The following DPYD variants were observed in gnomAD, a reference collection of about 807,000 sequenced individuals.
DPYD encodes the protein dihydropyrimidine dehydrogenase.
DPYD carries 109 observed loss-of-function variants against 116.2 expected under a neutral mutation model. That is an observed-to-expected ratio of 0.94 (90% CI 0.80 to 1.10). The LOEUF is 1.10. Ranked by LOEUF, DPYD falls within the 50% of genes least tolerant of loss-of-function variation. The pLI, the probability that DPYD is intolerant of heterozygous loss-of-function variation, is 0.00. For synonymous variants in DPYD, 440 were observed against 432.0 expected (o/e 1.02, Z -0.23); for missense variants, 1,302 against 1,254.5 (o/e 1.04, Z -0.57).
chr1:97,268,853 AATCTCTTT>A (rs1230404641), intron 18 of DPYD, among the ~76,000 whole-genome samples: 2 of 152,220 alleles, frequency 1.3e-5, no homozygotes, highest in African/African-American at 4.8e-5. Context: ...TATCCATATT[AATCTCTTT>A]AGCAAACAGT....
chr1:97,177,553 C>A (rs1287536890), intron 20 of DPYD, among the ~76,000 whole-genome samples: 1 of 150,264 alleles, frequency 6.7e-6, no homozygotes, highest in Non-Finnish European at 1.5e-5. Context: ...GAAATTCAGA[C>A]CATTCTTTCT....
intron 16 of DPYD, among the ~76,000 whole-genome samples, chr1:97,338,769 C>T (rs1051084793): frequency 6.6e-6 from 1 of 152,118 alleles, no homozygotes; most frequent in Non-Finnish European, 1.5e-5. Flanking sequence ...CACCCACAAA[C>T]CTCCAGTTTA....
chr1:97,093,781 T>G (rs1322498605), intron 21 of DPYD, among the ~76,000 whole-genome samples: 1 of 152,166 alleles, frequency 6.6e-6, no homozygotes, highest in Non-Finnish European at 1.5e-5. Context: ...GACATTTTTA[T>G]GGTCACTTTC....
At chr1:97,714,242 T>C (rs1662471300) in intron 5 of DPYD, among the ~76,000 whole-genome samples, 1 of 151,830 alleles carries the variant, frequency 6.6e-6, no homozygotes, top group Non-Finnish European at 1.5e-5. Context: ...TGAGATGGAG[T>C]CTCGCTCTGT....
intron 13 of DPYD, among the ~76,000 whole-genome samples, chr1:97,461,189 C>T (rs1677012078): frequency 1.3e-5 from 2 of 152,170 alleles, no homozygotes; most frequent in African/African-American, 4.8e-5. Flanking sequence ...TGCCACCTCC[C>T]CTCAGAAGCC....
chr1:97,188,216 T>C (rs1471472927), intron 20 of DPYD, among the ~76,000 whole-genome samples: 1 of 152,190 alleles, frequency 6.6e-6, no homozygotes, highest in Non-Finnish European at 1.5e-5. Context: ...TTTATCCTAA[T>C]GAGAGCCTTT....
chr1:97,643,375 T>C (rs1484065003), intron 8 of DPYD, among the ~76,000 whole-genome samples: 1 of 151,944 alleles, frequency 6.6e-6, no homozygotes, highest in Non-Finnish European at 1.5e-5. Context: ...TAAATCAAAA[T>C]CACAATGAGA....
chr1:97,598,958 C>A (rs1655068064), intron 8 of DPYD, among the ~76,000 whole-genome samples: 1 of 152,178 alleles, frequency 6.6e-6, no homozygotes, highest in Admixed American at 6.5e-5. Context: ...AAGGTTATAA[C>A]TAGGCCAGGT....
chr1:97,310,158 T>A (rs1667416809), intron 16 of DPYD, among the ~76,000 whole-genome samples: 1 of 151,818 alleles, frequency 6.6e-6, no homozygotes, highest in South Asian at 2.1e-4. Context: ...GGCATTTCAA[T>A]AAATCCACTG....
intron 16 of DPYD, among the ~76,000 whole-genome samples, chr1:97,307,804 C>G (rs1667260471): frequency 6.6e-6 from 1 of 151,874 alleles, no homozygotes; most frequent in Non-Finnish European, 1.5e-5. Flanking sequence ...TATTTATAAC[C>G]ACTGCATTGG....
intron 2 of DPYD, among the ~76,000 whole-genome samples, chr1:97,874,371 A>C (rs1017006114): frequency 4.6e-5 from 7 of 151,976 alleles, no homozygotes; most frequent in African/African-American, 1.7e-4. Context: ...AGGAAGGAGA[A>C]CTACAAATAT....
At position 97,234,976 on chromosome 1, in the gene DPYD, A is replaced by C; in HGVS notation, c.2318T>G (p.Ile773Ser). ...GGVSGTAIRP[I>S]ALRAVTSIAR... ...AATGGAGGTCACAGCTCTCAAAGCA[A>C]TAGGTCTGATTGCTGTCCCTACACA... is the stretch of plus-strand genomic sequence containing the variant. Residue 773 changes from isoleucine (I) to serine (S), a missense_variant, in exon 19 of 23, where the codon ATT becomes AGT. Physicochemically the swap from Ile to Ser is moderately radical, Grantham distance 142. Transcript: ENST00000370192. 1 of 1,614,154 alleles carries C rather than the reference A, an allele frequency of 6.2e-7. No individual in the cohort carries two copies. The highest frequency in any genetic ancestry group is 8.5e-7 in the Non-Finnish European group (1 of 1,180,006).
chr1:97,474,945 G>T (rs1677870410), intron 13 of DPYD, among the ~76,000 whole-genome samples: 1 of 151,890 alleles, frequency 6.6e-6, no homozygotes, highest in Non-Finnish European at 1.5e-5. Flanking sequence ...TATGAAAGTT[G>T]CTAGAAAAGT....
intron 18 of DPYD, among the ~76,000 whole-genome samples, chr1:97,254,454 C>T (rs1463079247): frequency 6.6e-6 from 1 of 151,910 alleles, no homozygotes; most frequent in Non-Finnish European, 1.5e-5. Context: ...GAAAAAAAAA[C>T]TGTATTTAAC....
intron 16 of DPYD, among the ~76,000 whole-genome samples, chr1:97,309,168 T>A (rs536091106): frequency 6.6e-6 from 1 of 151,920 alleles, no homozygotes; most frequent in African/African-American, 2.4e-5. Flanking sequence ...TGTGAAAAAG[T>A]GATGGATAAT....
intron 18 of DPYD, among the ~76,000 whole-genome samples, chr1:97,236,597 G>A (rs2100755042): frequency 6.6e-6 from 1 of 152,112 alleles, no homozygotes; most frequent in South Asian, 2.1e-4. Context: ...GGATTTTTAG[G>A]ACAGTGAAAA....
In DPYD at chr1:97,179,214, AT is replaced by A. The variant is rs142041835; in HGVS notation, c.2622+13854del. Among the ~76,000 whole-genome samples the A allele has an allele frequency of 9.6e-3, 1,462 of 152,312 alleles. 14 individuals are homozygous for A. Among genetic ancestry groups the A allele is most frequent in the African/African-American group, 0.033 (1,358 of 41,564 alleles). ...AGCCTTACTCTGTATCTCAATAAAG[AT>A]TATATACAGTAGCACAGGAATAATT... is the stretch of plus-strand genomic sequence containing the variant. On this transcript the variant is annotated intron_variant, in intron 20 of 22. Coordinates refer to ENST00000370192, the MANE Select transcript of DPYD (RefSeq NM_000110.4).
intron 8 of DPYD, among the ~76,000 whole-genome samples, chr1:97,644,908 CT>C (rs563285863): frequency 4.3e-4 from 66 of 152,058 alleles, no homozygotes; most frequent in African/African-American, 1.5e-3. Context: ...CTTGGGTAGC[CT>C]TGTGTCTATA....
chr1:97,513,670 T>C (rs2101968929), intron 13 of DPYD, among the ~76,000 whole-genome samples: 1 of 151,934 alleles, frequency 6.6e-6, no homozygotes, highest in South Asian at 2.1e-4. Flanking sequence ...TGTAATATTT[T>C]AATAGACGTC....
Sources: allele counts gnomAD v4.1 joint callset (sites outside exome capture counted in the v4.1 genomes callset), GRCh38; gene constraint gnomAD v4.1.1; transcripts MANE v1.5; gene names NCBI Gene and HGNC (gene_info 2026-07-23, HGNC 2026-07-21).